The following RTL4 variants were observed in gnomAD, a reference collection of about 807,000 sequenced individuals.
RTL4 encodes retrotransposon Gag-like protein 4.
A neutral mutation model predicts 5.3 loss-of-function variants in RTL4; 4 were observed. The ratio of observed to expected loss-of-function variants is 0.75; its 90% CI spans 0.37 to 1.72. RTL4 has a LOEUF of 1.72. Among genes scored for constraint, RTL4 ranks in the 40% most tolerant of loss-of-function variants. The probability of loss-of-function intolerance (pLI) is 0.04; values close to 1 mark genes in which losing one functional copy is unlikely to be tolerated. For synonymous variants in RTL4, 98 were observed against 87.3 expected (o/e 1.12, Z -0.68); for missense variants, 260 against 227.1 (o/e 1.14, Z -0.93).
chrX:112,201,332 C>T, the RTL4 span, among the ~76,000 whole-genome samples: 1 of 111,106 alleles, frequency 9.0e-6, no homozygotes, highest in East Asian at 2.9e-4. Context: ...CAAAGCCTAA[C>T]CTTTTCACAC....
the RTL4 span, among the ~76,000 whole-genome samples, chrX:112,267,783 C>A: frequency 9.1e-6 from 1 of 110,329 alleles, no homozygotes; most frequent in African/African-American, 3.3e-5. Flanking sequence ...CCTTTTTTTC[C>A]CACCCCACCC....
At chrX:112,140,678 A>G in the RTL4 span, among the ~76,000 whole-genome samples, 1 of 111,297 alleles carries the variant, frequency 9.0e-6, no homozygotes, top group African/African-American at 3.3e-5. Flanking sequence ...TGAACTAACC[A>G]AGTCCTAAAG....
At chrX:112,094,047 G>A in the RTL4 span, among the ~76,000 whole-genome samples, 1 of 111,887 alleles carries the variant, frequency 8.9e-6, no homozygotes, top group East Asian at 2.8e-4. Flanking sequence ...AGGAATTCAT[G>A]TTAGAAGGAT....
upstream of RTL4, among the ~76,000 whole-genome samples, chrX:112,454,152 T>C (rs898066713): frequency 1.8e-5 from 2 of 112,096 alleles, no homozygotes; most frequent in Non-Finnish European, 3.8e-5. Context: ...TTGGCTTCCA[T>C]GGGCCACATT....
chrX:112,129,303 T>G, the RTL4 span, among the ~76,000 whole-genome samples: 1 of 111,839 alleles, frequency 8.9e-6, no homozygotes, highest in Admixed American at 9.5e-5. Flanking sequence ...AAAAGTAAAA[T>G]GTAGAATTAC....
the RTL4 span, among the ~76,000 whole-genome samples, chrX:112,105,453 C>T: frequency 9.0e-6 from 1 of 111,136 alleles, no homozygotes; most frequent in Non-Finnish European, 1.9e-5. Context: ...ATAGGAATTG[C>T]ATTGAATTTA....
the RTL4 span, among the ~76,000 whole-genome samples, chrX:112,419,588 T>TAC: frequency 1.6e-5 from 1 of 64,479 alleles, no homozygotes; most frequent in Non-Finnish European, 3.1e-5. Flanking sequence ...TATATATATA[T>TAC]ATATATTTTT....
At chrX:112,367,619 T>C in the RTL4 span, among the ~76,000 whole-genome samples, 2 of 112,352 alleles carry the variant, frequency 1.8e-5, no homozygotes, top group Non-Finnish European at 3.8e-5. Context: ...CTTCCATTGA[T>C]TGTTTTATTC....
chrX:112,310,567 A>T, the RTL4 span, among the ~76,000 whole-genome samples: 4 of 11,449 alleles, frequency 3.5e-4, 2 homozygotes, highest in African/African-American at 2.3e-3. Flanking sequence ...TATTATATAT[A>T]TTTATATATA....
chrX:112,383,404 C>T, the RTL4 span, among the ~76,000 whole-genome samples: 14 of 111,687 alleles, frequency 1.3e-4, no homozygotes, highest in East Asian at 2.8e-4. Flanking sequence ...CTGCATTTTC[C>T]GCTTTATTTA....
chrX:112,301,346 T>C, the RTL4 span, among the ~76,000 whole-genome samples: 1 of 112,250 alleles, frequency 8.9e-6, no homozygotes, highest in South Asian at 3.7e-4. Flanking sequence ...ATTATAACAA[T>C]ACCTTCCTCA....
chrX:112,403,721 A>G, the RTL4 span, among the ~76,000 whole-genome samples: 1 of 111,890 alleles, frequency 8.9e-6, no homozygotes, highest in Non-Finnish European at 1.9e-5. Context: ...CTGCTAGACA[A>G]ATTCTTGGTT....
the RTL4 span, among the ~76,000 whole-genome samples, chrX:112,137,942 G>T: frequency 9.0e-6 from 1 of 111,404 alleles, no homozygotes; most frequent in Admixed American, 9.5e-5. Flanking sequence ...AGATATCTGC[G>T]TAGCCATGTT....
At chrX:112,447,387 T>C in the RTL4 span, among the ~76,000 whole-genome samples, 1 of 112,335 alleles carries the variant, frequency 8.9e-6, no homozygotes, top group Non-Finnish European at 1.9e-5. Context: ...AACACAGATG[T>C]GAAAACTAAG....
chrX:112,427,260 G>A, the RTL4 span, among the ~76,000 whole-genome samples: 66 of 111,098 alleles, frequency 5.9e-4, no homozygotes, highest in Non-Finnish European at 9.1e-4. Flanking sequence ...TGGGATGTAT[G>A]CCAGGTACCC....
At chrX:112,310,694 A>G in the RTL4 span, among the ~76,000 whole-genome samples, 12 of 70,557 alleles carry the variant, frequency 1.7e-4, no homozygotes, top group Admixed American at 2.7e-3. Flanking sequence ...ATATTTATAT[A>G]TTATATAAAA....
At chrX:112,426,823 C>T in the RTL4 span, among the ~76,000 whole-genome samples, 1 of 110,613 alleles carries the variant, frequency 9.0e-6, no homozygotes, top group South Asian at 3.8e-4. Flanking sequence ...GCTTTCAGTA[C>T]AACGTTGAAC....
chrX:112,126,654 C>G, the RTL4 span, among the ~76,000 whole-genome samples: 1 of 112,014 alleles, frequency 8.9e-6, no homozygotes, highest in Non-Finnish European at 1.9e-5. Flanking sequence ...ACAAAACTGA[C>G]AAGCATTTAA....
chrX:112,177,903 A>G, the RTL4 span, among the ~76,000 whole-genome samples: 3 of 110,170 alleles, frequency 2.7e-5, no homozygotes, highest in African/African-American at 9.9e-5. Context: ...TGTAGTGCAA[A>G]CACAGCCATA....
Sources: gnomAD v4.1 joint callset for allele counts (sites outside exome capture counted in the v4.1 genomes callset) on GRCh38, gnomAD v4.1.1 for gene constraint, MANE v1.5 for transcripts, NCBI Gene and HGNC (gene_info 2026-07-23, HGNC 2026-07-21) for gene names.